The following GREB1L variants were observed in gnomAD, a reference collection of about 807,000 sequenced individuals.
GREB1L encodes the protein GREB1-like protein.
A neutral mutation model predicts 200.8 loss-of-function variants in GREB1L; 17 were observed. That is an observed-to-expected ratio of 0.08 (90% CI 0.06 to 0.13). The LOEUF (loss-of-function observed/expected upper bound fraction) is 0.13, where lower values mean the gene tolerates loss of function less well. Ranked by LOEUF, GREB1L falls within the 10% of genes least tolerant of loss-of-function variation. The pLI is 1.00. For missense variants in GREB1L, 1,657 were observed against 2,367.7 expected (o/e 0.70, Z 6.23); for synonymous variants, 789 against 893.0 (o/e 0.88, Z 2.08).
intron 5 of GREB1L, among the ~76,000 whole-genome samples, chr18:21,398,037 G>A (rs1164661337): frequency 2.6e-5 from 4 of 152,072 alleles, no homozygotes; most frequent in Non-Finnish European, 5.9e-5. Context: ...TCTGACTGTC[G>A]ACAATGAAAA....
At chr18:21,411,981 C>T (rs2031083920) in intron 7 of GREB1L, among the ~76,000 whole-genome samples, 1 of 142,186 alleles carries the variant, frequency 7.0e-6, no homozygotes. Flanking sequence ...GGAAGCGGAG[C>T]TTGCAGTGAG....
At chr18:21,435,861 G>T (rs2033501485) in intron 7 of GREB1L, among the ~76,000 whole-genome samples, 1 of 152,094 alleles carries the variant, frequency 6.6e-6, no homozygotes, top group Non-Finnish European at 1.5e-5. Flanking sequence ...GATCATTTTG[G>T]CTGTAATGCG....
intron 25 of GREB1L, among the ~76,000 whole-genome samples, chr18:21,506,508 A>C (rs978761512): frequency 6.6e-6 from 1 of 152,206 alleles, no homozygotes; most frequent in Admixed American, 6.5e-5. Context: ...TACTTCTTCA[A>C]ATGGTTACAC....
At chr18:21,390,597 C>T (rs1456757236) in intron 4 of GREB1L, among the ~76,000 whole-genome samples, 2 of 152,088 alleles carry the variant, frequency 1.3e-5, no homozygotes, top group East Asian at 1.9e-4. Flanking sequence ...AGTGCAATGG[C>T]GCAATCTCGG....
chr18:21,466,583 G>A (rs541546132), intron 15 of GREB1L, among the ~76,000 whole-genome samples: 1 of 152,136 alleles, frequency 6.6e-6, no homozygotes, highest in African/African-American at 2.4e-5. Flanking sequence ...AAATAATGAA[G>A]CATTGCTGAA....
At chr18:21,486,742 T>G (rs1356044096) in intron 18 of GREB1L, among the ~76,000 whole-genome samples, 1 of 152,214 alleles carries the variant, frequency 6.6e-6, no homozygotes, top group South Asian at 2.1e-4. Context: ...ACATTAGAAT[T>G]TACCTAACCT....
chr18:21,359,310 C>T (rs1173420665), intron 1 of GREB1L, among the ~76,000 whole-genome samples: 1 of 152,016 alleles, frequency 6.6e-6, no homozygotes, highest in African/African-American at 2.4e-5. Flanking sequence ...ATTAGCTGGG[C>T]GTGGTGGCAG....
chr18:21,456,377 C>A (rs892877605), intron 15 of GREB1L, among the ~76,000 whole-genome samples: 1 of 152,080 alleles, frequency 6.6e-6, no homozygotes, highest in African/African-American at 2.4e-5. Context: ...GGGATGGATA[C>A]CCCATTTACC....
intron 10 of GREB1L, among the ~76,000 whole-genome samples, chr18:21,442,581 G>A (rs1414843779): frequency 6.6e-6 from 1 of 152,088 alleles, no homozygotes; most frequent in African/African-American, 2.4e-5. Flanking sequence ...CTCACAGAGG[G>A]ACTATCCTCT....
At chr18:21,493,182 T>G (rs573472429) in intron 19 of GREB1L, among the ~76,000 whole-genome samples, 1 of 152,204 alleles carries the variant, frequency 6.6e-6, no homozygotes, top group Non-Finnish European at 1.5e-5. Context: ...TATCTCTACT[T>G]TTGGGTAAAA....
intron 7 of GREB1L, among the ~76,000 whole-genome samples, chr18:21,414,907 C>A (rs2031475173): frequency 1.3e-5 from 2 of 150,982 alleles, no homozygotes; most frequent in South Asian, 4.1e-4. Context: ...ATTCATCAGG[C>A]AACAAAGAAT....
At chr18:21,463,238 C>A (rs113368998) in intron 15 of GREB1L, among the ~76,000 whole-genome samples, 2 of 148,572 alleles carry the variant, frequency 1.3e-5, no homozygotes, top group Non-Finnish European at 3.0e-5. Context: ...CTCCACCTCC[C>A]GGGTTCACAC....
chr18:21,365,976 A>C (rs1232018346), intron 1 of GREB1L, 51 bp from the exon 2 acceptor site: 2 of 152,068 alleles, frequency 1.3e-5, no homozygotes, highest in Admixed American at 1.3e-4. Flanking sequence ...ATGTATTTGG[A>C]AATTAACTCA....
intron 1 of GREB1L, among the ~76,000 whole-genome samples, chr18:21,264,515 T>C (rs2037936800): frequency 6.6e-6 from 1 of 152,188 alleles, no homozygotes. Flanking sequence ...ATTTAGAGGA[T>C]TGGTTAATTA....
intron 7 of GREB1L, among the ~76,000 whole-genome samples, chr18:21,432,797 C>T (rs756477991): frequency 3.7e-4 from 55 of 148,534 alleles, no homozygotes; most frequent in Non-Finnish European, 7.5e-4. Flanking sequence ...ACCTCCGCCT[C>T]CCAGGCTCAA....
chr18:21,500,071 A>G lies in GREB1L; in HGVS notation c.3734A>G (p.Gln1245Arg). 1 of 1,551,708 alleles carries G rather than the reference A, an allele frequency of 6.4e-7. No homozygotes were observed. Among genetic ancestry groups the G allele is most frequent in the Non-Finnish European group, 8.7e-7 (1 of 1,147,008 alleles). Residue 1245 changes from glutamine to arginine, a missense_variant, in exon 22 of 33, where the codon CAG becomes CGG. Gln to Arg is a conservative substitution (Grantham distance 43, BLOSUM62 1). Transcript: ENST00000424526. ...SKAAYSLLGS[Q>R]KSGKLPSSSS... ...GCGGCCTACAGTCTCCTGGGCTCCC[A>G]GAAGAGTGGCAAGCTGCCATCCTCC...
chr18:21,454,263 G>A (rs2034655400), intron 14 of GREB1L, 103 bp from the exon 15 acceptor site: 2 of 722,850 alleles, frequency 2.8e-6, no homozygotes, highest in African/African-American at 3.6e-5. Context: ...TAGTGAGAGT[G>A]TATTACATTA....
chr18:21,490,202 A>C lies in GREB1L; in HGVS notation c.2881A>C (p.Arg961=), dbSNP rs2036276976. ...TGGGAGGGGACACATGCTCATTATC[A>C]GGGTGCCCTCGGTGCAGCTGGCGAT... ...KSGRGHMLII[R]VPSVQLAMLA... The change falls in exon 19 of 33, where the codon AGG becomes CGG. Residue 961 remains arginine, a synonymous_variant. Coordinates refer to ENST00000424526, the MANE Select transcript of GREB1L (RefSeq NM_001142966.3). The C allele has an allele frequency of 1.9e-6, 3 of 1,551,760 alleles. No individual in the cohort carries two copies. Among genetic ancestry groups the C allele is most frequent in the Non-Finnish European group, 1.7e-6 (2 of 1,147,014 alleles).
At chr18:21,419,938 A>G (rs1262345559) in intron 7 of GREB1L, among the ~76,000 whole-genome samples, 2 of 152,252 alleles carry the variant, frequency 1.3e-5, no homozygotes, top group Admixed American at 6.5e-5. Context: ...CAACTTGTAG[A>G]AGAAAACATG....
Sources: gnomAD v4.1 joint callset for allele counts (sites outside exome capture counted in the v4.1 genomes callset) on GRCh38, gnomAD v4.1.1 for gene constraint, MANE v1.5 for transcripts, NCBI Gene and HGNC (gene_info 2026-07-23, HGNC 2026-07-21) for gene names.